Variants in SORCS1 observed in about 807,000 individuals in gnomAD.
The protein encoded by SORCS1 is sortilin related VPS10 domain containing receptor 1, also known as VPS10 domain-containing receptor SorCS1.
SORCS1 carries 60 observed loss-of-function variants against 146.1 expected under a neutral mutation model. The observed-to-expected ratio is 0.41, with a 90% CI of 0.33 to 0.51. SORCS1 has a LOEUF of 0.51. Among genes scored for constraint, SORCS1 ranks in the 20% least tolerant of loss-of-function variants. The probability of loss-of-function intolerance (pLI) is 0.21; values close to 1 mark genes in which losing one functional copy is unlikely to be tolerated. For missense variants in SORCS1, 1,352 were observed against 1,487.6 expected, an observed-to-expected ratio of 0.91 and a Z score of 1.50; for synonymous variants, 637 against 584.0, an observed-to-expected ratio of 1.09 and a Z score of -1.31.
chr10:107,036,718 T>C (rs760982241), intron 1 of SORCS1, among the ~76,000 whole-genome samples: 15 of 152,194 alleles, frequency 9.9e-5, no homozygotes, highest in Non-Finnish European at 1.8e-4. Context: ...CACTGAGACC[T>C]TTTTAAGCAG....
At chr10:106,842,627 T>G (rs565243850) in intron 2 of SORCS1, among the ~76,000 whole-genome samples, 1 of 152,220 alleles carries the variant, frequency 6.6e-6, no homozygotes, top group Non-Finnish European at 1.5e-5. Context: ...CTCTGTTTTG[T>G]GTTTTTGAGA....
chr10:106,646,521 C>A (rs950840218), intron 18 of SORCS1, among the ~76,000 whole-genome samples: 1 of 151,712 alleles, frequency 6.6e-6, no homozygotes, highest in Non-Finnish European at 1.5e-5. Context: ...CATGGTGAGA[C>A]CCCGTCTCTA....
intron 1 of SORCS1, among the ~76,000 whole-genome samples, chr10:107,011,386 A>G (rs2139737061): frequency 6.6e-6 from 1 of 152,326 alleles, no homozygotes; most frequent in East Asian, 1.9e-4. Flanking sequence ...AAGAAACACG[A>G]CCTTCCACAT....
chr10:107,122,682 A>G (rs925403568), intron 1 of SORCS1, among the ~76,000 whole-genome samples: 1 of 152,136 alleles, frequency 6.6e-6, no homozygotes, highest in Admixed American at 6.5e-5. Flanking sequence ...AATGTCTATC[A>G]TCTCCTTACG....
Position 106,776,585 on chromosome 10 carries a change from A to G in SORCS1, c.834T>C (p.Leu278=). The G allele has an allele frequency of 6.2e-7, 1 of 1,614,024 alleles. No homozygotes were observed. The highest frequency in any genetic ancestry group is 8.5e-7 in the Non-Finnish European group (1 of 1,179,946). ...YRLNFYIQSL[L]FHPKQEDWIL... Reference sequence around the variant, plus strand: ...TCCAGTCTTCTTGTTTGGGGTGAAAAAGCAAGCTTTGAATGTAGAAGTTCA... The same window carrying G: ...TCCAGTCTTCTTGTTTGGGGTGAAAGAGCAAGCTTTGAATGTAGAAGTTCA... Residue 278 remains leucine (L), a synonymous_variant, in exon 4 of 26, where the codon CTT becomes CTC. Transcript: ENST00000263054.
intron 5 of SORCS1, among the ~76,000 whole-genome samples, chr10:106,753,823 C>T (rs901437744): frequency 1.3e-5 from 2 of 152,022 alleles, no homozygotes; most frequent in African/African-American, 2.4e-5. Flanking sequence ...GCACAGTGGG[C>T]GCCATGAAGA....
intron 3 of SORCS1, among the ~76,000 whole-genome samples, chr10:106,806,949 T>G (rs938773252): frequency 1.3e-5 from 2 of 152,210 alleles, no homozygotes; most frequent in African/African-American, 4.8e-5. Flanking sequence ...GATTGTGTAT[T>G]TTAATTCCCA....
At chr10:106,811,957 G>T (rs1947480199) in intron 3 of SORCS1, among the ~76,000 whole-genome samples, 1 of 152,108 alleles carries the variant, frequency 6.6e-6, no homozygotes, top group African/African-American at 2.4e-5. Flanking sequence ...ACTTGAAAAT[G>T]GAGTTTATCA....
chr10:106,837,590 A>G (rs779440093), intron 2 of SORCS1, among the ~76,000 whole-genome samples: 5 of 149,796 alleles, frequency 3.3e-5, no homozygotes, highest in South Asian at 2.2e-4. Flanking sequence ...TAACATCACT[A>G]TCTAGTAGGC....
chr10:106,743,423 A>G (rs928274159), intron 5 of SORCS1, among the ~76,000 whole-genome samples: 4 of 152,012 alleles, frequency 2.6e-5, no homozygotes, highest in Admixed American at 2.0e-4. Context: ...CATTATTTGT[A>G]TATTTTATTT....
At chr10:107,096,021 A>AC (rs1369594725) in intron 1 of SORCS1, among the ~76,000 whole-genome samples, 5 of 152,064 alleles carry the variant, frequency 3.3e-5, no homozygotes, top group Non-Finnish European at 7.4e-5. Flanking sequence ...TATATATGAA[A>AC]CCCTCACTGT....
intron 5 of SORCS1, among the ~76,000 whole-genome samples, chr10:106,748,986 G>A (rs1365021831): frequency 6.6e-6 from 1 of 152,170 alleles, no homozygotes; most frequent in Non-Finnish European, 1.5e-5. Flanking sequence ...TCACATTTAA[G>A]TTATGGAGGA....
intron 1 of SORCS1, among the ~76,000 whole-genome samples, chr10:107,158,232 T>A (rs951681942): frequency 6.6e-6 from 1 of 152,244 alleles, no homozygotes; most frequent in African/African-American, 2.4e-5. Flanking sequence ...ATTTTCCTAC[T>A]GGGCTTGGAA....
At chr10:107,084,220 C>T (rs1311713214) in intron 1 of SORCS1, among the ~76,000 whole-genome samples, 1 of 150,854 alleles carries the variant, frequency 6.6e-6, no homozygotes, top group East Asian at 1.9e-4. Context: ...CTCAGCCTCC[C>T]AAGTATCTGG....
At chr10:107,141,651 C>A (rs193004961) in intron 1 of SORCS1, among the ~76,000 whole-genome samples, 106 of 152,244 alleles carry the variant, frequency 7.0e-4, no homozygotes, top group African/African-American at 2.5e-3. Flanking sequence ...AGAGGAATCC[C>A]TTGGGTTTCC....
chr10:107,039,068 G>T (rs550425729), intron 1 of SORCS1, among the ~76,000 whole-genome samples: 2 of 152,064 alleles, frequency 1.3e-5, no homozygotes, highest in South Asian at 2.1e-4. Context: ...AAGAAATCAC[G>T]CCTGTAATCC....
intron 2 of SORCS1, among the ~76,000 whole-genome samples, chr10:106,926,826 TATACACACACACAC>T (rs1358836377): frequency 0.015 from 2,116 of 140,078 alleles, 30 homozygotes; most frequent in Middle Eastern, 0.057. Flanking sequence ...AAGGAATATA[TATACACACACACAC>T]ACACACACAC....
At chr10:106,578,272 T>C (rs1844685176) in intron 25 of SORCS1, 1 of 152,190 alleles carries the variant, frequency 6.6e-6, no homozygotes, top group Non-Finnish European at 1.5e-5. Context: ...CTGCAATAAA[T>C]AGCAGAATCT....
chr10:106,745,526 T>C (rs554264977), intron 5 of SORCS1, among the ~76,000 whole-genome samples: 3 of 152,334 alleles, frequency 2.0e-5, no homozygotes, highest in South Asian at 4.1e-4. Flanking sequence ...GTAGGCAAGA[T>C]TGGCTATGAA....
Sources: allele counts gnomAD v4.1 joint callset (sites outside exome capture counted in the v4.1 genomes callset), GRCh38; gene constraint gnomAD v4.1.1; transcripts MANE v1.5; gene names NCBI Gene and HGNC (gene_info 2026-07-23, HGNC 2026-07-21).